The following TMEM150C variants were observed in gnomAD, a reference collection of about 807,000 sequenced individuals.
TMEM150C encodes the protein tentonin 3.
Under a neutral mutation model 29.9 loss-of-function variants are expected in TMEM150C, and 10 were observed. That is an observed-to-expected ratio of 0.33 (90% CI 0.21 to 0.57). TMEM150C has a LOEUF of 0.57. Among genes scored for constraint, TMEM150C ranks in the 20% least tolerant of loss-of-function variants. The pLI is 0.88. For missense variants in TMEM150C, 251 were observed against 303.6 expected (o/e 0.83, Z 1.29); for synonymous variants, 101 against 112.5 (o/e 0.90, Z 0.64).
intron 1 of TMEM150C, among the ~76,000 whole-genome samples, chr4:82,512,782 C>T (rs893721594): frequency 7.2e-5 from 11 of 152,112 alleles, no homozygotes; most frequent in African/African-American, 2.7e-4. Flanking sequence ...GTCACAATGG[C>T]AGTTTTTGTT....
intron 1 of TMEM150C, among the ~76,000 whole-genome samples, chr4:82,527,271 G>A (rs1381049369): frequency 6.6e-6 from 1 of 152,006 alleles, no homozygotes; most frequent in Admixed American, 6.6e-5. Flanking sequence ...TTACAAAAAT[G>A]CTCCCATTTT....
intron 7 of TMEM150C, among the ~76,000 whole-genome samples, chr4:82,489,079 T>A (rs1723249213): frequency 6.6e-6 from 1 of 151,230 alleles, no homozygotes. Flanking sequence ...TTTTTTTTTT[T>A]TTTGTAGAGA....
At chr4:82,510,046 A>T (rs1182743256) in intron 1 of TMEM150C, among the ~76,000 whole-genome samples, 1 of 151,984 alleles carries the variant, frequency 6.6e-6, no homozygotes, top group East Asian at 2.0e-4. Context: ...AGCTTTAAAA[A>T]CTTTATTAGG....
rs1468776994 is a variant in TMEM150C, at chr4:82,490,179, T to C, written c.423A>G (p.Thr141=). 2 of 1,614,046 alleles carry C rather than the reference T, an allele frequency of 1.2e-6. No individual in the cohort carries two copies. The highest frequency in any genetic ancestry group is 1.7e-6 in the Non-Finnish European group (2 of 1,179,898). The part of the protein sequence containing the change: ...VGTSLTFGFG[T]LTCWIQAALT... The stretch of plus-strand genomic sequence containing the variant: ...GCGCAGCCTGGATCCAGCAGGTCAA[T>C]GTGCCAAATCCAAAGGTCAAGGAAG... The change falls in exon 7 of 8, where the codon ACA becomes ACG. Residue 141 remains threonine, a synonymous_variant. Coordinates refer to ENST00000449862, the MANE Select transcript of TMEM150C (RefSeq NM_001080506.3).
At chr4:82,557,718 T>C (rs867134589) in intron 1 of TMEM150C, among the ~76,000 whole-genome samples, 12 of 149,660 alleles carry the variant, frequency 8.0e-5, no homozygotes, top group South Asian at 6.3e-4. Flanking sequence ...GTACAAGTGG[T>C]TTTTCTTTTC....
In TMEM150C at chr4:82,490,226, C is replaced by A. The variant is rs745461497; in HGVS notation, c.376G>T (p.Glu126Ter). ...LLGNFQLTNDEEIHNVGTSLT... is the reference protein window; with the variant it reads ...LLGNFQLTND ...GAAGTTCCGACGTTATGGATTTCTTCATCATTTGTGAGCTTAGGGATGAAT... is the reference window on the plus strand; with the variant it reads ...GAAGTTCCGACGTTATGGATTTCTTAATCATTTGTGAGCTTAGGGATGAAT... Residue 126 changes from glutamate to a stop codon, truncating the protein, a stop_gained, in exon 7 of 8, where the codon GAA (glutamate) becomes TAA (stop). Coordinates refer to ENST00000449862, the MANE Select transcript of TMEM150C (RefSeq NM_001080506.3). LOFTEE classifies it high-confidence loss of function. 1.9e-6 allele frequency: 3 copies of A among 1,613,866 alleles called. No individual in the cohort carries two copies. The highest frequency in any genetic ancestry group is 1.7e-5 in the Admixed American group (1 of 60,008).
intron 6 of TMEM150C, among the ~76,000 whole-genome samples, chr4:82,492,886 A>ATATATG (rs1723415201): frequency 7.1e-6 from 1 of 140,830 alleles, no homozygotes; most frequent in African/African-American, 2.6e-5. Context: ...ATATATATAT[A>ATATATG]TATATATATA....
intron 6 of TMEM150C, chr4:82,495,867 G>T (rs1009237332): frequency 2.4e-5 from 15 of 631,180 alleles, no homozygotes; most frequent in Non-Finnish European, 4.1e-5. Context: ...GGCAGCCAAT[G>T]GCTAGGAAGG....
intron 1 of TMEM150C, among the ~76,000 whole-genome samples, chr4:82,539,780 G>C (rs1012286968): frequency 6.6e-6 from 1 of 152,000 alleles, no homozygotes; most frequent in Non-Finnish European, 1.5e-5. Flanking sequence ...GAATAAAAAT[G>C]GAAACATCTA....
chr4:82,557,734 CTTTTTTTT>C (rs767919077), intron 1 of TMEM150C, among the ~76,000 whole-genome samples: 1 of 131,376 alleles, frequency 7.6e-6, no homozygotes, highest in African/African-American at 2.9e-5. Flanking sequence ...TTTTCTTTTT[CTTTTTTTT>C]TTTTTTTTTG....
rs6837432 is a variant in TMEM150C, at chr4:82,521,754, C to T, written c.-10-17087G>A. Among the ~76,000 whole-genome samples the T allele has an allele frequency of 4.0e-3, 608 of 152,176 alleles. 5 individuals carry two copies. Among genetic ancestry groups the T allele is most frequent in the African/African-American group, 0.013 (539 of 41,538 alleles). On this transcript the variant is annotated intron_variant, in intron 1 of 7. Transcript: ENST00000449862. ...CACAGGGTAACTGATTGAGATGTGA[C>T]GTGGGAGGTGAGGTTGGAGAGGCAT...
chr4:82,511,561 A>G (rs1724128083), intron 1 of TMEM150C, among the ~76,000 whole-genome samples: 2 of 147,302 alleles, frequency 1.4e-5, no homozygotes, highest in African/African-American at 2.5e-5. Context: ...TGCAGACTCA[A>G]TCTCCCCAGG....
At position 82,503,214 on chromosome 4, in the gene TMEM150C, TCTAA is replaced by T. The variant is rs1352137064; in HGVS notation, c.81-106_81-103del. 8.9e-5 allele frequency: 73 copies of T among 817,930 alleles called. No individual in the cohort carries two copies. In the Middle Eastern group the frequency reaches 1.5e-3, roughly 16 times the overall value. 50.7% of individuals were successfully genotyped at this position (817,930 alleles called of 1,614,324 possible). A position where few individuals can be genotyped will look rare whatever the true frequency, so the allele number is the denominator to read the frequency against. On this transcript the variant is annotated intron_variant, in intron 2 of 7. Transcript: ENST00000449862. ...ACTGCACTAATTCATATTCATTTTT[TCTAA>T]CTGAGAAATGCTCTTTTACAATTCT...
At chr4:82,504,889 G>A (rs1723861837) in intron 1 of TMEM150C, among the ~76,000 whole-genome samples, 1 of 152,102 alleles carries the variant, frequency 6.6e-6, no homozygotes. Context: ...CAATAGCCGG[G>A]CGTGGTGGCG....
chr4:82,557,555 C>T (rs1725772239), intron 1 of TMEM150C, among the ~76,000 whole-genome samples: 1 of 152,030 alleles, frequency 6.6e-6, no homozygotes, highest in Non-Finnish European at 1.5e-5. Flanking sequence ...AGCAAATAAG[C>T]CCAAGTTCAT....
chr4:82,555,541 C>T (rs1473777855), intron 1 of TMEM150C, among the ~76,000 whole-genome samples: 2 of 152,210 alleles, frequency 1.3e-5, no homozygotes, highest in Non-Finnish European at 2.9e-5. Context: ...AATGATTCCC[C>T]TATCACCCAT....
At chr4:82,508,202 C>A (rs1236126938) in intron 1 of TMEM150C, among the ~76,000 whole-genome samples, 1 of 152,184 alleles carries the variant, frequency 6.6e-6, no homozygotes, top group African/African-American at 2.4e-5. Context: ...CACTCTTTCC[C>A]TGAGCTAAAT....
At chr4:82,555,066 T>C (rs975806387) in intron 1 of TMEM150C, among the ~76,000 whole-genome samples, 1 of 152,230 alleles carries the variant, frequency 6.6e-6, no homozygotes, top group East Asian at 1.9e-4. Flanking sequence ...TACATTAAGT[T>C]TGACCTTTAA....
intron 1 of TMEM150C, among the ~76,000 whole-genome samples, chr4:82,555,655 G>A (rs569087640): frequency 1.3e-5 from 2 of 152,312 alleles, no homozygotes; most frequent in African/African-American, 4.8e-5. Context: ...GTACATCTAT[G>A]TATCGCTATC....
Sources: allele counts gnomAD v4.1 joint callset (sites outside exome capture counted in the v4.1 genomes callset), GRCh38; gene constraint gnomAD v4.1.1; transcripts MANE v1.5; gene names NCBI Gene and HGNC (gene_info 2026-07-23, HGNC 2026-07-21).